PTPRT: variants seen among roughly 807,000 people sequenced by gnomAD.
The protein encoded by PTPRT is receptor-type tyrosine-protein phosphatase T.
A neutral mutation model predicts 176.8 loss-of-function variants in PTPRT; 56 were observed. The observed-to-expected ratio is 0.32, with a 90% CI of 0.26 to 0.40. The LOEUF (loss-of-function observed/expected upper bound fraction) is 0.40, where lower values mean the gene tolerates loss of function less well. Among genes scored for constraint, PTPRT ranks in the 10% least tolerant of loss-of-function variants. The pLI, the probability that PTPRT is intolerant of heterozygous loss-of-function variation, is 1.00. For synonymous variants in PTPRT, 783 were observed against 739.0 expected (o/e 1.06, Z -0.96); for missense variants, 1,540 against 1,908.2 (o/e 0.81, Z 3.60).
At chr20:42,358,067 G>C (rs2058381832) in intron 9 of PTPRT, among the ~76,000 whole-genome samples, 1 of 149,510 alleles carries the variant, frequency 6.7e-6, no homozygotes, top group East Asian at 2.1e-4. Flanking sequence ...GACCTCTGTG[G>C]AAAACCTGGA....
At chr20:42,369,620 C>T (rs1352871676) in intron 9 of PTPRT, among the ~76,000 whole-genome samples, 1 of 152,162 alleles carries the variant, frequency 6.6e-6, no homozygotes, top group East Asian at 1.9e-4. Context: ...AGTCCCATTG[C>T]AGGCTGAAGA....
intron 1 of PTPRT, among the ~76,000 whole-genome samples, chr20:43,010,981 G>A (rs1263054109): frequency 1.3e-5 from 2 of 152,154 alleles, no homozygotes; most frequent in Admixed American, 6.5e-5. Context: ...GAATCAAGGT[G>A]GCCATCTCTA....
intron 26 of PTPRT, among the ~76,000 whole-genome samples, chr20:42,100,941 T>C (rs1365143672): frequency 1.3e-5 from 2 of 152,172 alleles, no homozygotes; most frequent in Admixed American, 6.5e-5. Flanking sequence ...GGGATAGGCA[T>C]TGACCTTCCA....
At chr20:42,464,947 T>C (rs894630698) in intron 8 of PTPRT, among the ~76,000 whole-genome samples, 4 of 152,170 alleles carry the variant, frequency 2.6e-5, no homozygotes, top group African/African-American at 7.2e-5. Flanking sequence ...TCCTGAGGCA[T>C]GTCAGTCTTC....
intron 9 of PTPRT, among the ~76,000 whole-genome samples, chr20:42,394,220 T>C (rs557081199): frequency 6.6e-6 from 1 of 152,308 alleles, no homozygotes; most frequent in East Asian, 1.9e-4. Flanking sequence ...AATGTGGCTA[T>C]GCATTCATCA....
chr20:43,023,425 C>G (rs775692212), intron 1 of PTPRT, among the ~76,000 whole-genome samples: 3 of 152,198 alleles, frequency 2.0e-5, no homozygotes, highest in Non-Finnish European at 4.4e-5. Context: ...CTCTGACAGG[C>G]ACAACAAAAG....
At chr20:42,340,458 T>G (rs1287231395) in intron 11 of PTPRT, among the ~76,000 whole-genome samples, 4 of 152,174 alleles carry the variant, frequency 2.6e-5, no homozygotes, top group Admixed American at 2.6e-4. Flanking sequence ...TTTGGCCCAT[T>G]GGTGGAGACT....
intron 19 of PTPRT, among the ~76,000 whole-genome samples, chr20:42,126,834 G>A (rs1987882924): frequency 6.6e-6 from 1 of 152,220 alleles, no homozygotes; most frequent in Non-Finnish European, 1.5e-5. Context: ...CATGATGGAT[G>A]TATGCTCAGA....
intron 9 of PTPRT, among the ~76,000 whole-genome samples, chr20:42,427,052 A>C (rs2059171497): frequency 6.6e-6 from 1 of 152,080 alleles, no homozygotes; most frequent in South Asian, 2.1e-4. Context: ...CCCACCCCTG[A>C]AGTTTCTGAT....
chr20:42,813,939 C>A lies in PTPRT; in HGVS notation c.215-22473G>T, dbSNP rs576453085. Among the ~76,000 whole-genome samples, 343 of 152,198 alleles carry A rather than the reference C, an allele frequency of 2.3e-3. 2 individuals are homozygous for A. Among genetic ancestry groups the A allele is most frequent in the African/African-American group, 8.0e-3 (334 of 41,548 alleles). On this transcript the variant is annotated intron_variant, in intron 2 of 30. Transcript: ENST00000373187. ...TTTTGCTACCATTAGAGAAAGTTAA[C>A]CTCCTCCATAACCCCCTTCCTTTGC...
intron 12 of PTPRT, among the ~76,000 whole-genome samples, chr20:42,305,904 C>T (rs980696973): frequency 3.3e-5 from 5 of 152,132 alleles, no homozygotes; most frequent in African/African-American, 4.8e-5. Flanking sequence ...CCAAGCTTCA[C>T]GAGGTTCCTT....
In PTPRT at chr20:42,260,174, ACAAACTT is replaced by A. The variant is rs2056724047; in HGVS notation, c.2177-11359_2177-11353del. Among the ~76,000 whole-genome samples the A allele has an allele frequency of 5.8e-5, 6 of 102,840 alleles. No individual in the cohort carries two copies. The Admixed American group carries it at 5.9e-4, about 10-fold the overall frequency. 67.5% of individuals were successfully genotyped at this position (102,840 alleles called of 152,430 possible). On this transcript the variant is annotated intron_variant, in intron 13 of 30. Transcript: ENST00000373187. Reference sequence around the variant, plus strand: ...AGCTCTGCTTAAACAAAACTAGACTACAAACTTGATTTCCACGTCATCCATGGTGTGG... The same window carrying A: ...AGCTCTGCTTAAACAAAACTAGACTAGATTTCCACGTCATCCATGGTGTGG...
At chr20:42,720,979 A>C (rs2076293991) in intron 6 of PTPRT, among the ~76,000 whole-genome samples, 1 of 152,150 alleles carries the variant, frequency 6.6e-6, no homozygotes, top group South Asian at 2.1e-4. Flanking sequence ...CAGCCTGTCA[A>C]TGTGAAAAGA....
chr20:42,352,068 T>C lies in PTPRT; in HGVS notation c.1762+16A>G. The C allele has an allele frequency of 6.2e-7, 1 of 1,606,578 alleles. No individual in the cohort carries two copies. ...TGAAACAACCTTTTTTCCTTTTTCC[T>C]TTCTAGCAGAGATACCTGAAATTTT... On this transcript the variant is annotated intron_variant, in intron 10 of 30. Transcript: ENST00000373187.
chr20:42,342,715 C>A (rs192978310), intron 11 of PTPRT, among the ~76,000 whole-genome samples: 1 of 152,190 alleles, frequency 6.6e-6, no homozygotes, highest in African/African-American at 2.4e-5. Context: ...TTGCTCACTG[C>A]GGCTTCATGG....
chr20:42,206,483 T>C (rs1156327451), intron 15 of PTPRT, among the ~76,000 whole-genome samples: 1 of 151,864 alleles, frequency 6.6e-6, no homozygotes, highest in African/African-American at 2.4e-5. Flanking sequence ...GCGCAAGGGG[T>C]CAGGGAGTTC....
chr20:42,083,873 T>C (rs1279605010), intron 29 of PTPRT, among the ~76,000 whole-genome samples: 2 of 152,242 alleles, frequency 1.3e-5, no homozygotes, highest in Non-Finnish European at 2.9e-5. Flanking sequence ...AGATTTGTTT[T>C]GGGTGTGAGA....
downstream of PTPRT, among the ~76,000 whole-genome samples, chr20:42,069,576 G>A (rs541841951): frequency 2.4e-4 from 36 of 151,962 alleles, no homozygotes; most frequent in South Asian, 8.3e-4. Flanking sequence ...TGGCCTTTCC[G>A]GGTATTAAAG....
intron 1 of PTPRT, among the ~76,000 whole-genome samples, chr20:43,057,762 T>C (rs1987300971): frequency 6.6e-6 from 1 of 152,236 alleles, no homozygotes; most frequent in Admixed American, 6.5e-5. Context: ...AAATATGCCT[T>C]GTACTTCCAG....
Sources: gnomAD v4.1 joint callset for allele counts (sites outside exome capture counted in the v4.1 genomes callset) on GRCh38, gnomAD v4.1.1 for gene constraint, MANE v1.5 for transcripts, NCBI Gene and HGNC (gene_info 2026-07-23, HGNC 2026-07-21) for gene names.